FLVCR1: variants seen among roughly 807,000 people sequenced by gnomAD.
FLVCR1 encodes the protein FLVCR choline and heme transporter 1, also known as choline/ethanolamine transporter FLVCR1.
Under a neutral mutation model 53.6 loss-of-function variants are expected in FLVCR1, and 34 were observed. That is an observed-to-expected ratio of 0.63 (90% CI 0.48 to 0.84). The LOEUF is 0.84. Among genes scored for constraint, FLVCR1 ranks in the 40% least tolerant of loss-of-function variants. The pLI, the probability that FLVCR1 is intolerant of heterozygous loss-of-function variation, is 0.00. For synonymous variants in FLVCR1, 300 were observed against 286.3 expected, an observed-to-expected ratio of 1.05 and a Z score of -0.48; for missense variants, 677 against 696.7, an observed-to-expected ratio of 0.97 and a Z score of 0.32.
chr1:212,869,060 G>A (rs558874846), intron 2 of FLVCR1, among the ~76,000 whole-genome samples: 4 of 152,218 alleles, frequency 2.6e-5, no homozygotes, highest in South Asian at 2.1e-4. Context: ...GACAAATAAC[G>A]AAATTTTAAA....
intron 3 of FLVCR1, among the ~76,000 whole-genome samples, chr1:212,877,131 CTTTTTTTTT>C (rs55822947): frequency 1.1e-5 from 1 of 94,622 alleles, no homozygotes; most frequent in Admixed American, 1.2e-4. Flanking sequence ...ACATAAATGT[CTTTTTTTTT>C]TTTTTTTTTT....
intron 2 of FLVCR1, among the ~76,000 whole-genome samples, chr1:212,867,864 C>T (rs920100486): frequency 2.0e-5 from 3 of 148,818 alleles, no homozygotes; most frequent in African/African-American, 5.0e-5. Context: ...AGTACAGTGG[C>T]GCGATCTTGG....
chr1:212,893,056 C>CTTTTTT lies in FLVCR1; in HGVS notation c.1526-1926_1526-1921dup, dbSNP rs147082806. 3.7e-3 allele frequency among the ~76,000 whole-genome samples: 452 copies of CTTTTTT among 121,356 alleles called. 3 individuals carry two copies. The highest frequency in any genetic ancestry group is 0.015 in the African/African-American group (437 of 29,622). 79.6% of individuals were successfully genotyped at this position (121,356 alleles called of 152,430 possible). A position where few individuals can be genotyped will look rare whatever the true frequency, so the allele number is the denominator to read the frequency against. Reference sequence around the variant, plus strand: ...AACCTGAAGAAATGAAGGGTTGCTTCTTTTTTTTTGGGGGGGGGTGCCGGA... The same window carrying CTTTTTT: ...AACCTGAAGAAATGAAGGGTTGCTTCTTTTTTTTTTTTTTTGGGGGGGGGTGCCGGA... On this transcript the variant is annotated intron_variant, in intron 8 of 9. Coordinates refer to ENST00000366971, the MANE Select transcript of FLVCR1 (RefSeq NM_014053.4).
In FLVCR1 at chr1:212,860,673, T is replaced by A. The variant is rs575047970; in HGVS notation, c.738+1483T>A. Among the ~76,000 whole-genome samples, 6 of 152,282 alleles carry A rather than the reference T, an allele frequency of 3.9e-5. No homozygotes were observed. In the South Asian group the frequency reaches 1.2e-3, roughly 32 times the overall value. On this transcript the variant is annotated intron_variant, in intron 1 of 9. Transcript: ENST00000366971. ...TACATGTTCATATGTTACTTACCTA[T>A]TACTTTTCTCTTATCCCCACCATTA...
intron 1 of FLVCR1, among the ~76,000 whole-genome samples, chr1:212,859,963 A>T (rs1414805556): frequency 6.6e-6 from 1 of 152,146 alleles, no homozygotes; most frequent in East Asian, 1.9e-4. Context: ...TTCCTGGCAC[A>T]TAAGGGACAC....
In FLVCR1 at chr1:212,858,564, C is replaced by A; in HGVS notation, c.112C>A (p.Leu38Met). 6.7e-7 allele frequency: 1 copy of A among 1,483,706 alleles called. No individual in the cohort carries two copies. The highest frequency in any genetic ancestry group is 8.9e-7 in the Non-Finnish European group (1 of 1,117,332). The allele number at this position is 1,483,706 out of a possible 1,614,324, so 91.9% of individuals were successfully genotyped here. A position where few individuals can be genotyped will look rare whatever the true frequency, so the allele number is the denominator to read the frequency against. The change falls in exon 1 of 10, where the codon CTG (leucine) becomes ATG (methionine). Residue 38 changes from leucine (L) to methionine (M), a missense_variant. Coordinates refer to ENST00000366971, the MANE Select transcript of FLVCR1 (RefSeq NM_014053.4). ...GAPVGKESVE[L>M]QNGPKAGTFP... ...GCCCGTTGGGAAGGAGAGCGTGGAG[C>A]TGCAGAACGGGCCCAAAGCGGGCAC...
intron 3 of FLVCR1, among the ~76,000 whole-genome samples, chr1:212,874,167 C>T (rs766986254): frequency 5.3e-5 from 8 of 152,174 alleles, no homozygotes; most frequent in Non-Finnish European, 1.0e-4. Flanking sequence ...GCAACCATGC[C>T]TGGCTAATTT....
chr1:212,869,906 G>A (rs1390359252), intron 2 of FLVCR1: 1 of 152,168 alleles, frequency 6.6e-6, no homozygotes, highest in African/African-American at 2.4e-5. Context: ...TTTTGCCATG[G>A]TAAATAAAAA....
At chr1:212,889,020 A>C in intron 7 of FLVCR1, 126 bp from the exon 8 acceptor site, 1 of 756,296 alleles carries the variant, frequency 1.3e-6, no homozygotes, top group South Asian at 1.6e-5. Flanking sequence ...TAACAATTCA[A>C]CTTTTCAATG....
At chr1:212,875,068 C>A (rs1180905154) in intron 3 of FLVCR1, among the ~76,000 whole-genome samples, 1 of 152,126 alleles carries the variant, frequency 6.6e-6, no homozygotes, top group Admixed American at 6.6e-5. Context: ...TAATGTTTGC[C>A]TCACTTATTG....
intron 1 of FLVCR1, among the ~76,000 whole-genome samples, chr1:212,860,671 T>C (rs1664207962): frequency 6.6e-6 from 1 of 152,204 alleles, no homozygotes; most frequent in Non-Finnish European, 1.5e-5. Flanking sequence ...GTTACTTACC[T>C]ATTACTTTTC....
intron 8 of FLVCR1, among the ~76,000 whole-genome samples, chr1:212,892,703 T>A (rs1486829590): frequency 7.9e-5 from 12 of 152,284 alleles, no homozygotes; most frequent in Admixed American, 5.2e-4. Context: ...AACTTTCAAG[T>A]CTTATTCTTT....
chr1:212,878,047 G>A (rs1419587646), intron 3 of FLVCR1, among the ~76,000 whole-genome samples: 1 of 152,134 alleles, frequency 6.6e-6, no homozygotes, highest in East Asian at 1.9e-4. Flanking sequence ...TTATATTAAA[G>A]TTTTGTTTGA....
intron 3 of FLVCR1, among the ~76,000 whole-genome samples, chr1:212,877,601 ACT>A (rs1223046997): frequency 2.0e-5 from 3 of 149,368 alleles, no homozygotes; most frequent in Non-Finnish European, 3.0e-5. Flanking sequence ...TTCCTTGTAG[ACT>A]CTGGATAATT....
At chr1:212,881,629 G>A (rs1227021899) in intron 3 of FLVCR1, among the ~76,000 whole-genome samples, 2 of 151,980 alleles carry the variant, frequency 1.3e-5, no homozygotes, top group African/African-American at 2.4e-5. Context: ...CCAAAGTGTT[G>A]GGATTACACG....
In FLVCR1 at chr1:212,884,115, C is replaced by T. The variant is rs958482118; in HGVS notation, c.1092+677C>T. 3.7e-4 allele frequency among the ~76,000 whole-genome samples: 56 copies of T among 152,078 alleles called. 1 individual carries two copies. The highest frequency in any genetic ancestry group is 1.2e-3 in the African/African-American group (50 of 41,390). On this transcript the variant is annotated intron_variant, in intron 4 of 9. Transcript: ENST00000366971. ...CTGAGGTCGAGACCAGCCTGACCGACATGGAGAAACCCTGTCTCTACCAAA... is the reference window on the plus strand; with the variant it reads ...CTGAGGTCGAGACCAGCCTGACCGATATGGAGAAACCCTGTCTCTACCAAA...
At position 212,858,631 on chromosome 1, in the gene FLVCR1, C is replaced by T. The variant is rs530387275; in HGVS notation, c.179C>T (p.Ala60Val). 90 of 1,535,558 alleles carry T rather than the reference C, an allele frequency of 5.9e-5. No individual in the cohort carries two copies. Among genetic ancestry groups the T allele is most frequent in the Admixed American group, 1.6e-4 (8 of 50,572 alleles). The change falls in exon 1 of 10, where the codon GCC becomes GTC. Residue 60 changes from alanine (A) to valine (V), a missense_variant. Physicochemically the swap from Ala to Val is moderately conservative, Grantham distance 64 (BLOSUM62 0). Coordinates refer to ENST00000366971, the MANE Select transcript of FLVCR1 (RefSeq NM_014053.4). ...NGAPRDSLAAASGVLGGPQTP... is the reference protein window; with the variant it reads ...NGAPRDSLAAVSGVLGGPQTP... Reference sequence around the variant, plus strand: ...GCCCCCCGGGACAGCCTCGCTGCCGCCTCGGGAGTTCTGGGCGGGCCTCAG... The same window carrying T: ...GCCCCCCGGGACAGCCTCGCTGCCGTCTCGGGAGTTCTGGGCGGGCCTCAG...
intron 3 of FLVCR1, among the ~76,000 whole-genome samples, chr1:212,873,767 A>AT (rs1054489236): frequency 1.6e-4 from 25 of 152,282 alleles, no homozygotes; most frequent in African/African-American, 5.8e-4. Flanking sequence ...TCTGTTTCAC[A>AT]TTTTTTGGGG....
intron 5 of FLVCR1, among the ~76,000 whole-genome samples, chr1:212,886,148 T>A (rs1665059047): frequency 6.7e-6 from 1 of 150,328 alleles, no homozygotes; most frequent in African/African-American, 2.5e-5. Flanking sequence ...CTCAAGTGAT[T>A]CTCCCACCTC....
Sources: allele counts gnomAD v4.1 joint callset (sites outside exome capture counted in the v4.1 genomes callset), GRCh38; gene constraint gnomAD v4.1.1; transcripts MANE v1.5; gene names NCBI Gene and HGNC (gene_info 2026-07-23, HGNC 2026-07-21).